The following PTPRK variants were observed in gnomAD, a reference collection of about 807,000 sequenced individuals.
PTPRK encodes receptor-type tyrosine-protein phosphatase kappa.
PTPRK carries 75 observed loss-of-function variants against 178.0 expected under a neutral mutation model. The observed-to-expected ratio is 0.42, with a 90% CI of 0.35 to 0.51. PTPRK has a LOEUF of 0.51. PTPRK is among the 20% of genes least tolerant of loss of function. The pLI, the probability that PTPRK is intolerant of heterozygous loss-of-function variation, is 0.02. For synonymous variants in PTPRK, 637 were observed against 620.6 expected (o/e 1.03, Z -0.39); for missense variants, 1,441 against 1,797.8 (o/e 0.80, Z 3.59).
At chr6:128,354,968 A>C (rs1345221480) in intron 2 of PTPRK, among the ~76,000 whole-genome samples, 1 of 152,230 alleles carries the variant, frequency 6.6e-6, no homozygotes, top group Non-Finnish European at 1.5e-5. Context: ...TTTCATCAAC[A>C]AATATTTTAC....
At chr6:128,138,945 C>T (rs1313801068) in intron 7 of PTPRK, among the ~76,000 whole-genome samples, 3 of 151,940 alleles carry the variant, frequency 2.0e-5, no homozygotes, top group East Asian at 1.9e-4. Flanking sequence ...CTATGCACCC[C>T]CAAGAGGGGT....
chr6:128,510,294 CAT>C (rs1346870464), intron 1 of PTPRK, among the ~76,000 whole-genome samples: 1 of 152,220 alleles, frequency 6.6e-6, no homozygotes, highest in East Asian at 1.9e-4. Context: ...CTAGCACTAA[CAT>C]GTGATTAAGA....
At chr6:128,321,986 A>G (rs1828862813) in intron 3 of PTPRK, 53 bp downstream of exon 3, 1 of 1,607,702 alleles carries the variant, frequency 6.2e-7, no homozygotes, top group African/African-American at 1.3e-5. Flanking sequence ...TATTACACAT[A>G]TAGTGAGAAC....
intron 3 of PTPRK, among the ~76,000 whole-genome samples, chr6:128,268,897 C>T (rs998625667): frequency 2.0e-5 from 3 of 151,986 alleles, no homozygotes; most frequent in African/African-American, 4.8e-5. Flanking sequence ...TTTACCAACA[C>T]ATAGGTAAAT....
At chr6:128,448,398 A>C (rs1185488554) in intron 1 of PTPRK, among the ~76,000 whole-genome samples, 1 of 152,130 alleles carries the variant, frequency 6.6e-6, no homozygotes, top group Non-Finnish European at 1.5e-5. Flanking sequence ...ACCCTTTCTC[A>C]ATTAAGCTGA....
In PTPRK at chr6:128,241,948, ATTTT is replaced by A. The variant is rs1202951832; in HGVS notation, c.577+569_577+572del. On this transcript the variant is annotated intron_variant, in intron 4 of 29. Transcript: ENST00000368226. ...AGGTGTGCACCACCACGCCTGGCTA[ATTTT>A]TTTTTTTTTTTTTTTGTAAGTAGAG... Among the ~76,000 whole-genome samples, 9 of 126,228 alleles carry A rather than the reference ATTTT, an allele frequency of 7.1e-5. No individual in the cohort carries two copies. The East Asian group carries it at 1.9e-3, about 26-fold the overall frequency. 82.8% of individuals were successfully genotyped at this position (126,228 alleles called of 152,430 possible).
intron 3 of PTPRK, among the ~76,000 whole-genome samples, chr6:128,281,177 G>C (rs1821614888): frequency 6.6e-6 from 1 of 152,158 alleles, no homozygotes; most frequent in Non-Finnish European, 1.5e-5. Context: ...TGCAGAGCAG[G>C]TCAGGAATCA....
intron 1 of PTPRK, among the ~76,000 whole-genome samples, chr6:128,487,343 C>T (rs1853091143): frequency 6.6e-6 from 1 of 151,112 alleles, no homozygotes; most frequent in Non-Finnish European, 1.5e-5. Context: ...GGCACTGTGG[C>T]ACACTGGGAA....
intron 3 of PTPRK, among the ~76,000 whole-genome samples, chr6:128,258,511 T>C (rs1403452408): frequency 2.6e-5 from 4 of 152,218 alleles, no homozygotes; most frequent in Non-Finnish European, 5.9e-5. Context: ...AGTTTCGCTA[T>C]GTACTTTTTT....
chr6:128,246,142 A>G (rs1251577691), intron 3 of PTPRK, among the ~76,000 whole-genome samples: 4 of 152,216 alleles, frequency 2.6e-5, no homozygotes, highest in Non-Finnish European at 4.4e-5. Context: ...TTAAGGAAAG[A>G]GAAGTTACAG....
At chr6:127,999,634 C>T (rs1777564201) in intron 15 of PTPRK, among the ~76,000 whole-genome samples, 1 of 151,960 alleles carries the variant, frequency 6.6e-6, no homozygotes, top group Non-Finnish European at 1.5e-5. Flanking sequence ...CTTTTCTGGC[C>T]CCTCCAGGTT....
chr6:128,348,093 G>A lies in PTPRK; in HGVS notation c.224-25783C>T, dbSNP rs182221905. Among the ~76,000 whole-genome samples the A allele has an allele frequency of 1.1e-3, 160 of 152,006 alleles. 1 individual carries two copies. The East Asian group carries it at 0.024, about 23-fold the overall frequency. ...CACAACACATATACTTTTATAAAAA[G>A]CTGTGGAGAATAAAAATATTCAAGA... On this transcript the variant is annotated intron_variant, in intron 2 of 29. Coordinates refer to ENST00000368226, the MANE Select transcript of PTPRK (RefSeq NM_002844.4).
At chr6:128,088,117 C>A (rs537238534) in intron 8 of PTPRK, among the ~76,000 whole-genome samples, 93 of 152,200 alleles carry the variant, frequency 6.1e-4, no homozygotes, top group African/African-American at 2.2e-3. Flanking sequence ...GTGGCTCACG[C>A]CTGTAACCCT....
intron 17 of PTPRK, among the ~76,000 whole-genome samples, chr6:127,995,828 A>G (rs186741370): frequency 1.3e-5 from 2 of 152,192 alleles, no homozygotes; most frequent in East Asian, 3.9e-4. Context: ...ACATAACTGA[A>G]CTAGACTTAA....
chr6:128,257,186 C>T (rs903940529), intron 3 of PTPRK, among the ~76,000 whole-genome samples: 10 of 150,558 alleles, frequency 6.6e-5, no homozygotes, highest in African/African-American at 9.8e-5. Context: ...GCCCAGATCA[C>T]GCCATTGCAC....
chr6:128,450,232 C>G (rs1255851948), intron 1 of PTPRK, among the ~76,000 whole-genome samples: 2 of 152,106 alleles, frequency 1.3e-5, no homozygotes, highest in Non-Finnish European at 1.5e-5. Context: ...ATATTTGTGT[C>G]TAAGGATGTG....
At chr6:128,055,093 T>C (rs1294913610) in intron 13 of PTPRK, among the ~76,000 whole-genome samples, 1 of 152,196 alleles carries the variant, frequency 6.6e-6, no homozygotes, top group Non-Finnish European at 1.5e-5. Context: ...TTTCCATATA[T>C]TTGAAAGTTT....
chr6:128,360,850 T>A (rs1230232631), intron 2 of PTPRK, among the ~76,000 whole-genome samples: 1 of 152,142 alleles, frequency 6.6e-6, no homozygotes, highest in Non-Finnish European at 1.5e-5. Context: ...AGCATTAAAA[T>A]TCCTTTTAGT....
chr6:128,111,602 C>CAAAGAGGGACA (rs1554299511), intron 7 of PTPRK, among the ~76,000 whole-genome samples: 2 of 150,684 alleles, frequency 1.3e-5, no homozygotes, highest in Non-Finnish European at 1.5e-5. Context: ...TAAAATGTAC[C>CAAAGAGGGACA]TATAACTGGG....
Sources: allele counts gnomAD v4.1 joint callset (sites outside exome capture counted in the v4.1 genomes callset), GRCh38; gene constraint gnomAD v4.1.1; transcripts MANE v1.5; gene names NCBI Gene and HGNC (gene_info 2026-07-23, HGNC 2026-07-21).